Variants in USP20 observed in about 807,000 individuals in gnomAD.
The protein encoded by USP20 is ubiquitin carboxyl-terminal hydrolase 20.
Under a neutral mutation model 124.2 loss-of-function variants are expected in USP20, and 80 were observed. The ratio of observed to expected loss-of-function variants is 0.64; its 90% CI spans 0.54 to 0.78. USP20 has a LOEUF of 0.78. USP20 is among the 30% of genes least tolerant of loss of function. The probability of loss-of-function intolerance (pLI) is 0.00; values close to 1 mark genes in which losing one functional copy is unlikely to be tolerated. For synonymous variants in USP20, 481 were observed against 512.3 expected (o/e 0.94, Z 0.83); for missense variants, 1,043 against 1,244.4 (o/e 0.84, Z 2.44).
In USP20 at chr9:129,840,876, T is replaced by C. The variant is rs1251437669; in HGVS notation, c.-129+5377T>C. On this transcript the variant is annotated intron_variant, in intron 1 of 25. Transcript: ENST00000372429. ...ACCTCCGCCTCCCAGGTTCAAGTGATTCTTCTACCTCAGCCTCCCGAGTAG... is the reference window on the plus strand; with the variant it reads ...ACCTCCGCCTCCCAGGTTCAAGTGACTCTTCTACCTCAGCCTCCCGAGTAG... Among the ~76,000 whole-genome samples, 3 of 151,546 alleles carry C rather than the reference T, an allele frequency of 2.0e-5. No individual in the cohort carries two copies. The East Asian group carries it at 5.9e-4, about 30-fold the overall frequency.
intron 3 of USP20, among the ~76,000 whole-genome samples, chr9:129,854,469 A>C (rs2033107770): frequency 6.6e-6 from 1 of 152,150 alleles, no homozygotes; most frequent in South Asian, 2.1e-4. Flanking sequence ...TTACAGAGAA[A>C]TATGTATTGC....
chr9:129,856,271 A>C, intron 3 of USP20, 36 bp from the exon 4 acceptor site: 4 of 1,609,236 alleles, frequency 2.5e-6, no homozygotes, highest in Non-Finnish European at 3.4e-6. Context: ...CGGGCTCCTC[A>C]TGCCTGCTCT....
intron 6 of USP20, 84 bp from the exon 7 acceptor site, chr9:129,860,853 G>A: frequency 1.4e-6 from 2 of 1,417,116 alleles, no homozygotes; most frequent in African/African-American, 1.4e-5. Flanking sequence ...AGTAGGGCTG[G>A]ACTTCCAGCC....
In USP20 at chr9:129,857,134, G is replaced by A. The variant is rs568617437; in HGVS notation, c.135+774G>A. ...ACAGCCAGTCAGTCTTTGCAGAAGTGCAGGGGCCTCCAGTGGGATTCTGGC... is the reference window on the plus strand; with the variant it reads ...ACAGCCAGTCAGTCTTTGCAGAAGTACAGGGGCCTCCAGTGGGATTCTGGC... On this transcript the variant is annotated intron_variant, in intron 4 of 25. Transcript: ENST00000372429. 2.4e-3 allele frequency among the ~76,000 whole-genome samples: 368 copies of A among 152,084 alleles called. 1 individual carries two copies. Among genetic ancestry groups the A allele is most frequent in the Non-Finnish European group, 4.0e-3 (272 of 68,002 alleles).
rs769893010 is a variant in USP20 at position 129,858,564 on chromosome 9, C to T, written c.296C>T (p.Pro99Leu). ...EVFLEQRLAAPLLGSSSKFSE... is the reference protein window; with the variant it reads ...EVFLEQRLAALLLGSSSKFSE... ...TTCCTGGAGCAGCGGCTGGCAGCCC[C>T]TCTGCTGGGCTCCTCTTCCAAGTTC... The change falls in exon 6 of 26, where the codon CCT becomes CTT. Residue 99 changes from proline to leucine, a missense_variant. Coordinates refer to ENST00000372429, the MANE Select transcript of USP20 (RefSeq NM_001110303.4). 2.4e-5 allele frequency: 38 copies of T among 1,614,024 alleles called. No homozygotes were observed. Among genetic ancestry groups the T allele is most frequent in the Admixed American group, 6.7e-5 (4 of 59,992 alleles).
chr9:129,841,374 A>G (rs562585264), intron 1 of USP20, among the ~76,000 whole-genome samples: 2 of 152,336 alleles, frequency 1.3e-5, no homozygotes, highest in Admixed American at 1.3e-4. Context: ...TTTTAACTTA[A>G]TTACCTCTTT....
intron 1 of USP20, among the ~76,000 whole-genome samples, chr9:129,842,634 C>T (rs1160125805): frequency 1.3e-5 from 2 of 150,654 alleles, no homozygotes; most frequent in African/African-American, 4.9e-5. Context: ...TACTCTGTTG[C>T]CCAGGCTGGA....
rs1023892141 is a variant in USP20, at chr9:129,868,199, T to C, written c.885T>C (p.Gly295=). 2 of 1,613,772 alleles carry C rather than the reference T, an allele frequency of 1.2e-6. No homozygotes were observed. The highest frequency in any genetic ancestry group is 1.7e-6 in the Non-Finnish European group (2 of 1,179,878). ...SCDSSSDRGE[G]DGQGRGGGSS... ...ACTCGAGCAGTGACCGGGGTGAGGG[T>C]GACGGGCAGGGGCGTGGCGGGGGCA... is the stretch of plus-strand genomic sequence containing the variant. The change falls in exon 11 of 26, where the codon GGT becomes GGC. Residue 295 remains glycine, a synonymous_variant. Coordinates refer to ENST00000372429, the MANE Select transcript of USP20 (RefSeq NM_001110303.4).
rs752734968 is a variant in USP20 at position 129,868,399 on chromosome 9, C to T, written c.1085C>T (p.Ala362Val). 32 of 1,612,190 alleles carry T rather than the reference C, an allele frequency of 2.0e-5. No homozygotes were observed. The highest frequency in any genetic ancestry group is 1.0e-4 in the Admixed American group (6 of 59,992). ...TAMAALDDQPAEAQPPSPRSS... is the reference protein window; with the variant it reads ...TAMAALDDQPVEAQPPSPRSS... ...ATGGCTGCCCTTGACGACCAGCCCGCGGAGGCCCAGCCCCCGTCACCACGG... is the reference window on the plus strand; with the variant it reads ...ATGGCTGCCCTTGACGACCAGCCCGTGGAGGCCCAGCCCCCGTCACCACGG... The change falls in exon 11 of 26, where the codon GCG becomes GTG. Residue 362 changes from alanine (A) to valine (V), a missense_variant. By Grantham distance (64) the Ala-to-Val change is moderately conservative. Coordinates refer to ENST00000372429, the MANE Select transcript of USP20 (RefSeq NM_001110303.4).
At chr9:129,842,299 A>G (rs534004757) in intron 1 of USP20, among the ~76,000 whole-genome samples, 6 of 152,254 alleles carry the variant, frequency 3.9e-5, no homozygotes, top group African/African-American at 1.2e-4. Context: ...GGGATAATGT[A>G]TGTGCAGCAG....
intron 1 of USP20, among the ~76,000 whole-genome samples, chr9:129,837,280 A>G (rs187803173): frequency 3.3e-5 from 5 of 152,238 alleles, no homozygotes; most frequent in African/African-American, 1.2e-4. Context: ...ATGCAGTTCA[A>G]AGATGAATCC....
intron 2 of USP20, among the ~76,000 whole-genome samples, chr9:129,852,173 A>G (rs1022738837): frequency 1.3e-5 from 2 of 152,096 alleles, no homozygotes; most frequent in African/African-American, 4.8e-5. Flanking sequence ...TCCTCTAACA[A>G]AACATCTGTG....
intron 1 of USP20, among the ~76,000 whole-genome samples, chr9:129,843,751 C>A (rs933296417): frequency 8.6e-5 from 13 of 151,396 alleles, no homozygotes; most frequent in Non-Finnish European, 1.3e-4. Context: ...AAAAACAAAA[C>A]AAAACAAAAC....
chr9:129,858,397 C>A, intron 5 of USP20, 70 bp from the exon 6 acceptor site: 1 of 1,600,594 alleles, frequency 6.2e-7, no homozygotes, highest in Non-Finnish European at 8.5e-7. Context: ...GGGAGCGGAG[C>A]AGCCATTACA....
chr9:129,850,835 G>A (rs1473428750), intron 2 of USP20, among the ~76,000 whole-genome samples: 3 of 152,044 alleles, frequency 2.0e-5, no homozygotes, highest in Non-Finnish European at 4.4e-5. Flanking sequence ...TGTATTTTTA[G>A]TAGAGACGGG....
At chr9:129,849,378 G>A (rs563418334) in intron 1 of USP20, among the ~76,000 whole-genome samples, 2 of 152,190 alleles carry the variant, frequency 1.3e-5, no homozygotes, top group Non-Finnish European at 2.9e-5. Flanking sequence ...CTAGCCTGTG[G>A]ACATCCCCAA....
chr9:129,864,642 C>T (rs934164854), intron 9 of USP20, among the ~76,000 whole-genome samples: 8 of 151,758 alleles, frequency 5.3e-5, no homozygotes, highest in African/African-American at 9.7e-5. Flanking sequence ...GGCATGGTGG[C>T]GCGCACCTGT....
intron 10 of USP20, among the ~76,000 whole-genome samples, chr9:129,866,587 G>A (rs552993637): frequency 7.9e-5 from 12 of 152,306 alleles, no homozygotes; most frequent in African/African-American, 2.6e-4. Flanking sequence ...TTTCAGCTCT[G>A]GGTCAGGATG....
chr9:129,867,287 C>G (rs556069825), intron 10 of USP20, among the ~76,000 whole-genome samples: 2 of 152,166 alleles, frequency 1.3e-5, no homozygotes, highest in African/African-American at 4.8e-5. Flanking sequence ...CGCCTCTGCC[C>G]GAGCCCCTGC....
Sources: allele counts gnomAD v4.1 joint callset (sites outside exome capture counted in the v4.1 genomes callset), GRCh38; gene constraint gnomAD v4.1.1; transcripts MANE v1.5; gene names NCBI Gene and HGNC (gene_info 2026-07-23, HGNC 2026-07-21).